The following HEATR3 variants were observed in gnomAD, a reference collection of about 807,000 sequenced individuals.
The protein encoded by HEATR3 is HEAT repeat containing 3, also known as HEAT repeat-containing protein 3.
A neutral mutation model predicts 72.8 loss-of-function variants in HEATR3; 56 were observed. The ratio of observed to expected loss-of-function variants is 0.77; its 90% CI spans 0.62 to 0.96. The LOEUF (loss-of-function observed/expected upper bound fraction) is 0.96, where lower values mean the gene tolerates loss of function less well. Ranked by LOEUF, HEATR3 falls within the 40% of genes least tolerant of loss-of-function variation. HEATR3 has a pLI of 0.00. For missense variants in HEATR3, 747 were observed against 831.4 expected (o/e 0.90, Z 1.25); for synonymous variants, 331 against 318.1 (o/e 1.04, Z -0.43).
At chr16:50,088,301 TTAAG>T (rs1422058718) in intron 11 of HEATR3, among the ~76,000 whole-genome samples, 12 of 152,190 alleles carry the variant, frequency 7.9e-5, no homozygotes, top group Non-Finnish European at 7.3e-5. Flanking sequence ...TCTTTAAAAA[TTAAG>T]TAATTAAATA....
At position 50,072,753 on chromosome 16, in the gene HEATR3, A is replaced by G. The variant is rs141935925; in HGVS notation, c.622+39A>G. 59 of 1,272,224 alleles carry G rather than the reference A, an allele frequency of 4.6e-5. No individual in the cohort carries two copies. In the African/African-American group the frequency reaches 6.8e-4, roughly 15 times the overall value. The allele number at this position is 1,272,224 out of a possible 1,614,324, so 78.8% of individuals were successfully genotyped here. ...AGGTGATGACTTATTAAGAATGTGT[A>G]GCCTTATTCAAAAATTTTTATGCAG... On this transcript the variant is annotated intron_variant, in intron 5 of 14. Transcript: ENST00000299192.
intron 2 of HEATR3, among the ~76,000 whole-genome samples, chr16:50,067,883 A>G (rs1183582931): frequency 6.6e-6 from 1 of 152,170 alleles, no homozygotes; most frequent in East Asian, 1.9e-4. Context: ...AAGTGTATTG[A>G]GGGAGACAAG....
chr16:50,079,061 T>A, intron 7 of HEATR3, 43 bp downstream of exon 7: 2 of 170 alleles, frequency 0.012, no homozygotes, highest in South Asian at 0.2. Flanking sequence ...AATACAGCTG[T>A]TTTTTTTTTC....
chr16:50,094,956 C>A (rs927043854), intron 12 of HEATR3, among the ~76,000 whole-genome samples, 163 bp downstream of exon 12: 4 of 152,088 alleles, frequency 2.6e-5, no homozygotes, highest in Admixed American at 2.6e-4. Flanking sequence ...AAAGTAATAT[C>A]TTTCTGCTCC....
rs778051829 is a variant in HEATR3 at position 50,084,047 on chromosome 16, T to G, written c.1132+20T>G. On this transcript the variant is annotated intron_variant, in intron 8 of 14. Coordinates refer to ENST00000299192, the MANE Select transcript of HEATR3 (RefSeq NM_182922.4). ...ATGAAGGTTTGTTAACATTTACATTTAGACATTTTCCCCCTGAGCCAAGAG... is the reference window on the plus strand; with the variant it reads ...ATGAAGGTTTGTTAACATTTACATTGAGACATTTTCCCCCTGAGCCAAGAG... 4 of 1,613,880 alleles carry G rather than the reference T, an allele frequency of 2.5e-6. No homozygotes were observed. Among genetic ancestry groups the G allele is most frequent in the Non-Finnish European group, 3.4e-6 (4 of 1,179,774 alleles).
At chr16:50,082,911 C>T (rs2150608451) in intron 7 of HEATR3, among the ~76,000 whole-genome samples, 1 of 152,182 alleles carries the variant, frequency 6.6e-6, no homozygotes, top group African/African-American at 2.4e-5. Flanking sequence ...CTGCCTTGGC[C>T]TCCCAAGTAG....
intron 5 of HEATR3, chr16:50,074,843 A>C (rs527796115): frequency 6.6e-6 from 1 of 152,026 alleles, no homozygotes; most frequent in South Asian, 2.1e-4. Flanking sequence ...TTAGCCAAGC[A>C]TGGTGGCGGG....
chr16:50,099,946 T>C (rs1242995995), intron 12 of HEATR3, among the ~76,000 whole-genome samples: 3 of 152,224 alleles, frequency 2.0e-5, no homozygotes, highest in African/African-American at 7.2e-5. Context: ...TTGGACTCTC[T>C]TTAGTGTGTG....
At chr16:50,091,334 G>A (rs967934583) in intron 11 of HEATR3, among the ~76,000 whole-genome samples, 2 of 151,784 alleles carry the variant, frequency 1.3e-5, no homozygotes, top group Non-Finnish European at 2.9e-5. Flanking sequence ...GGGCGTAATG[G>A]TGCATGCCTG....
intron 12 of HEATR3, among the ~76,000 whole-genome samples, chr16:50,097,476 T>G (rs1328968176): frequency 6.6e-6 from 1 of 152,062 alleles, no homozygotes; most frequent in Non-Finnish European, 1.5e-5. Context: ...TCATGCTTTT[T>G]GCTGCCAAAT....
intron 12 of HEATR3, among the ~76,000 whole-genome samples, chr16:50,096,655 C>T (rs890985659): frequency 6.6e-5 from 10 of 151,764 alleles, no homozygotes; most frequent in South Asian, 4.2e-4. Flanking sequence ...AAAAATCAGC[C>T]GGGCATGGTG....
chr16:50,073,806 T>C (rs2036664277), intron 5 of HEATR3: 3 of 152,216 alleles, frequency 2.0e-5, no homozygotes, highest in South Asian at 4.1e-4. Context: ...GTTTTTGAAA[T>C]GGATTAGAAT....
chr16:50,078,553 G>T (rs188787092), intron 6 of HEATR3, among the ~76,000 whole-genome samples, 188 bp from the exon 7 acceptor site: 24 of 152,314 alleles, frequency 1.6e-4, no homozygotes, highest in Admixed American at 2.0e-4. Flanking sequence ...AGATGATTGT[G>T]CAGGGTTATA....
rs142898621 is a variant in HEATR3, at chr16:50,097,741, T to A, written c.1600-2489T>A. ...ACCAGCCTGACCCACATGGCGAAAC[T>A]CCGTCTCTACTGAAAATTCAAAAAT... On this transcript the variant is annotated intron_variant, in intron 12 of 14. Transcript: ENST00000299192. 2.2e-3 allele frequency among the ~76,000 whole-genome samples: 336 copies of A among 151,976 alleles called. 4 individuals are homozygous for A. The highest frequency in any genetic ancestry group is 7.4e-3 in the African/African-American group (307 of 41,420).
intron 9 of HEATR3, 27 bp from the exon 10 acceptor site, chr16:50,084,542 T>C: frequency 6.6e-7 from 1 of 1,514,508 alleles, no homozygotes; most frequent in South Asian, 1.1e-5. Context: ...TCTTTAACCT[T>C]TGCTTTACTG....
At chr16:50,066,889 GCCA>G (rs2036509664) in intron 2 of HEATR3, 3 of 249,538 alleles carry the variant, frequency 1.2e-5, no homozygotes, top group African/African-American at 6.7e-5. Flanking sequence ...ACTTTGAGCA[GCCA>G]AGACTTTTGA....
At chr16:50,090,753 C>T (rs979726308) in intron 11 of HEATR3, among the ~76,000 whole-genome samples, 19 of 152,118 alleles carry the variant, frequency 1.2e-4, no homozygotes, top group Admixed American at 4.6e-4. Flanking sequence ...TCTGTTTTTC[C>T]AGATTTTGAG....
intron 11 of HEATR3, among the ~76,000 whole-genome samples, chr16:50,088,082 G>T (rs371898147): frequency 1.3e-5 from 2 of 152,064 alleles, no homozygotes; most frequent in East Asian, 1.9e-4. Context: ...AGCCAAGATC[G>T]CGCCATTGCA....
At chr16:50,068,947 C>G (rs1010207940) in intron 3 of HEATR3, 80 bp downstream of exon 3, 13 of 949,982 alleles carry the variant, frequency 1.4e-5, no homozygotes, top group African/African-American at 3.3e-5. Flanking sequence ...GTGTTGGTGA[C>G]TTTGTCTTCT....
Sources: allele counts gnomAD v4.1 joint callset (sites outside exome capture counted in the v4.1 genomes callset), GRCh38; gene constraint gnomAD v4.1.1; transcripts MANE v1.5; gene names NCBI Gene and HGNC (gene_info 2026-07-23, HGNC 2026-07-21).